The following PLEKHG1 variants were observed in gnomAD, a reference collection of about 807,000 sequenced individuals.
PLEKHG1 encodes the protein pleckstrin homology domain-containing family G member 1.
In PLEKHG1, 44 loss-of-function variants were observed where a neutral mutation model predicts 100.8. The observed-to-expected ratio is 0.44, with a 90% CI of 0.34 to 0.56. The LOEUF (loss-of-function observed/expected upper bound fraction) is 0.56. Among genes scored for constraint, PLEKHG1 ranks in the 20% least tolerant of loss-of-function variants. PLEKHG1 has a pLI of 0.01. For synonymous variants in PLEKHG1, 640 were observed against 662.5 expected, an observed-to-expected ratio of 0.97 and a Z score of 0.52; for missense variants, 1,545 against 1,720.9, an observed-to-expected ratio of 0.90 and a Z score of 1.81.
chr6:150,613,816 C>T (rs748282196), intron 1 of PLEKHG1, among the ~76,000 whole-genome samples: 1 of 152,230 alleles, frequency 6.6e-6, no homozygotes, highest in Non-Finnish European at 1.5e-5. Context: ...CAGCACCAAA[C>T]AGCATCTCAC....
upstream of PLEKHG1, among the ~76,000 whole-genome samples, chr6:150,716,852 AT>A (rs11312728): frequency 0.88 from 134,057 of 152,116 alleles, 59,178 homozygotes; most frequent in East Asian, 0.91. Context: ...CTGGGAAGGG[AT>A]TTTTTTGTTT....
chr6:150,681,081 G>C (rs531588332), intron 3 of PLEKHG1, among the ~76,000 whole-genome samples: 135 of 152,286 alleles, frequency 8.9e-4, no homozygotes, highest in African/African-American at 3.1e-3. Context: ...ATGCATTGGT[G>C]TTTCCCCTGC....
intron 3 of PLEKHG1, among the ~76,000 whole-genome samples, chr6:150,690,270 A>C (rs1780301435): frequency 6.6e-6 from 1 of 152,050 alleles, no homozygotes; most frequent in South Asian, 2.1e-4. Flanking sequence ...TACATGAGTA[A>C]GTTCTTTAGT....
chr6:150,789,836 C>T (rs1482739668), intron 4 of PLEKHG1, among the ~76,000 whole-genome samples: 2 of 152,138 alleles, frequency 1.3e-5, no homozygotes, highest in Non-Finnish European at 2.9e-5. Context: ...CTGGCATTTT[C>T]ATCCATGGAG....
intron 3 of PLEKHG1, among the ~76,000 whole-genome samples, chr6:150,669,339 G>GT (rs1443468333): frequency 6.6e-6 from 1 of 152,098 alleles, no homozygotes; most frequent in Non-Finnish European, 1.5e-5. Flanking sequence ...TTCTGAGATG[G>GT]TTTTTGATTG....
intron 1 of PLEKHG1, among the ~76,000 whole-genome samples, chr6:150,723,630 A>G (rs1421377319): frequency 1.3e-5 from 2 of 152,182 alleles, no homozygotes; most frequent in African/African-American, 2.4e-5. Flanking sequence ...AGACACATGA[A>G]AGAGCATTGA....
At chr6:150,634,079 TAAC>T (rs1404773545) in intron 1 of PLEKHG1, among the ~76,000 whole-genome samples, 2 of 147,818 alleles carry the variant, frequency 1.4e-5, no homozygotes, top group African/African-American at 2.5e-5. Flanking sequence ...CCGTCTCTAC[TAAC>T]AACAACAAAA....
intron 14 of PLEKHG1, among the ~76,000 whole-genome samples, chr6:150,829,574 T>C (rs971273191): frequency 4.6e-5 from 7 of 152,138 alleles, no homozygotes; most frequent in Non-Finnish European, 1.0e-4. Flanking sequence ...GCCAAGATCA[T>C]GCCAAGGGAC....
chr6:150,621,440 T>C (rs1777296952), intron 1 of PLEKHG1, among the ~76,000 whole-genome samples: 1 of 151,082 alleles, frequency 6.6e-6, no homozygotes, highest in Non-Finnish European at 1.5e-5. Flanking sequence ...AGTGGCACAA[T>C]CTCGGCTCAC....
At chr6:150,690,350 A>G (rs1310463311) in intron 3 of PLEKHG1, among the ~76,000 whole-genome samples, 1 of 151,932 alleles carries the variant, frequency 6.6e-6, no homozygotes, top group Non-Finnish European at 1.5e-5. Context: ...TGGCCCCACC[A>G]ACATCGTTAC....
At chr6:150,784,512 G>T (rs1344179495) in intron 3 of PLEKHG1, among the ~76,000 whole-genome samples, 4 of 152,132 alleles carry the variant, frequency 2.6e-5, no homozygotes, top group Non-Finnish European at 5.9e-5. Flanking sequence ...AGAAACTATT[G>T]CTCGATTTTG....
intron 3 of PLEKHG1, among the ~76,000 whole-genome samples, chr6:150,669,473 G>A (rs1019816384): frequency 6.6e-5 from 10 of 151,930 alleles, no homozygotes; most frequent in African/African-American, 2.2e-4. Flanking sequence ...AAAATAACGC[G>A]ACGTTCTTTG....
At chr6:150,753,594 C>T (rs1161327914) in intron 2 of PLEKHG1, among the ~76,000 whole-genome samples, 1 of 152,188 alleles carries the variant, frequency 6.6e-6, no homozygotes, top group Admixed American at 6.5e-5. Flanking sequence ...AATTACTCAA[C>T]CCAGGGGTCT....
chr6:150,673,812 C>T (rs755519563), intron 3 of PLEKHG1, among the ~76,000 whole-genome samples: 1 of 152,168 alleles, frequency 6.6e-6, no homozygotes, highest in East Asian at 1.9e-4. Flanking sequence ...AGGCGTAAGC[C>T]ACCATGCCTG....
chr6:150,668,457 T>G (rs576139756), intron 3 of PLEKHG1, among the ~76,000 whole-genome samples: 3 of 152,328 alleles, frequency 2.0e-5, no homozygotes, highest in East Asian at 3.9e-4. Flanking sequence ...ACAATAAAAT[T>G]TAATGGTCCA....
intron 15 of PLEKHG1, 87 bp from the exon 17 acceptor site, chr6:150,839,746 T>G: frequency 1.2e-6 from 1 of 857,618 alleles, no homozygotes; most frequent in East Asian, 2.4e-5. Flanking sequence ...TTAAAATACG[T>G]TGGTTAGAAT....
chr6:150,819,850 G>A, intron 12 of PLEKHG1, 76 bp downstream of exon 13: 1 of 859,932 alleles, frequency 1.2e-6, no homozygotes, highest in Non-Finnish European at 2.0e-6. Context: ...TCTGACAAAA[G>A]GGAATGTTCT....
In PLEKHG1 at chr6:150,600,978, A is replaced by C. The variant is rs2128548403; in HGVS notation, c.-204+961A>C. On this transcript the variant is annotated intron_variant, in intron 1 of 3. Transcript: ENST00000367326. The surrounding 1 kb of genome is among the most constrained non-coding windows in gnomAD (Gnocchi z 6.2). Reference sequence around the variant, plus strand: ...ACTGCACGTATTTTCGAAATCACCGAGTGTGGGTGTTTGGGGCAGGTATCA... The same window carrying C: ...ACTGCACGTATTTTCGAAATCACCGCGTGTGGGTGTTTGGGGCAGGTATCA... 1 of 152,282 alleles carries C rather than the reference A, an allele frequency of 6.6e-6. No homozygotes were observed. The highest frequency in any genetic ancestry group is 1.5e-5 in the Non-Finnish European group (1 of 68,054). The allele number at this position is 152,282 out of a possible 1,614,324, so 9.4% of individuals were successfully genotyped here. A position where few individuals can be genotyped will look rare whatever the true frequency, so the allele number is the denominator to read the frequency against.
In PLEKHG1 at chr6:150,603,502, G is replaced by A. The variant is rs149933510; in HGVS notation, c.-204+3485G>A. 4.5e-3 allele frequency among the ~76,000 whole-genome samples: 678 copies of A among 152,242 alleles called. 4 individuals are homozygous for A. The highest frequency in any genetic ancestry group is 0.015 in the African/African-American group (643 of 41,542). On this transcript the variant is annotated intron_variant, in intron 1 of 3. Coordinates refer to the PLEKHG1 transcript ENST00000367326. ...AGAAGTATATGGCTAATCACCTAGC[G>A]ATGGGGCCCAGGTTTGCTGTGGAAT...
Sources: allele counts gnomAD v4.1 joint callset (sites outside exome capture counted in the v4.1 genomes callset), GRCh38; gene constraint gnomAD v4.1.1; non-coding constraint Gnocchi (gnomAD v3.1); transcripts MANE v1.5; gene names NCBI Gene and HGNC (gene_info 2026-07-23, HGNC 2026-07-21).